APBB2: variants seen among roughly 807,000 people sequenced by gnomAD.
APBB2 encodes the protein Fe65-like 1.
A neutral mutation model predicts 82.5 loss-of-function variants in APBB2; 38 were observed. The observed-to-expected ratio is 0.46, with a 90% confidence interval of 0.36 to 0.60. The LOEUF (loss-of-function observed/expected upper bound fraction) is 0.60. Among genes scored for constraint, APBB2 ranks in the 20% least tolerant of loss-of-function variants. The pLI is 0.00. For missense variants in APBB2, 772 were observed against 972.3 expected (o/e 0.79, Z 2.74); for synonymous variants, 341 against 368.2 (o/e 0.93, Z 0.85).
At chr4:41,092,438 G>A (rs1742051962) in intron 3 of APBB2, among the ~76,000 whole-genome samples, 1 of 152,252 alleles carries the variant, frequency 6.6e-6, no homozygotes, top group Non-Finnish European at 1.5e-5. Context: ...AGTTTAAAGC[G>A]CAGAACTAAG....
chr4:41,074,610 T>TA (rs201203321), intron 3 of APBB2, among the ~76,000 whole-genome samples: 1,568 of 81,492 alleles, frequency 0.019, 10 homozygotes, highest in African/African-American at 0.042. Context: ...TTATTATTAT[T>TA]TTTTTTTTTT....
chr4:41,214,322 G>C (rs954972144), intron 1 of APBB2, 83 bp downstream of exon 1: 4 of 152,346 alleles, frequency 2.6e-5, no homozygotes, highest in African/African-American at 9.6e-5. Flanking sequence ...GCCGCACGCT[G>C]CTGCCGCTAC....
chr4:40,966,185 C>G (rs1412835648), intron 6 of APBB2, among the ~76,000 whole-genome samples: 1 of 152,186 alleles, frequency 6.6e-6, no homozygotes, highest in African/African-American at 2.4e-5. Context: ...ATTATATATT[C>G]AGTAATTCCT....
At chr4:41,192,830 C>T (rs1389154640) in intron 1 of APBB2, among the ~76,000 whole-genome samples, 1 of 152,132 alleles carries the variant, frequency 6.6e-6, no homozygotes, top group African/African-American at 2.4e-5. Context: ...ATTTGGTTCA[C>T]TATAGTAATG....
intron 5 of APBB2, among the ~76,000 whole-genome samples, chr4:41,022,106 C>A (rs978122522): frequency 6.6e-6 from 1 of 152,174 alleles, no homozygotes; most frequent in African/African-American, 2.4e-5. Flanking sequence ...AGACCAAGAA[C>A]CCACCAGAAG....
intron 6 of APBB2, among the ~76,000 whole-genome samples, chr4:41,006,118 C>T (rs2154424619): frequency 6.6e-6 from 1 of 152,350 alleles, no homozygotes; most frequent in South Asian, 2.1e-4. Flanking sequence ...TTCACTGGAA[C>T]ATATATTTTT....
intron 6 of APBB2, among the ~76,000 whole-genome samples, chr4:40,954,465 G>A (rs1791046567): frequency 6.6e-6 from 1 of 152,132 alleles, no homozygotes; most frequent in Admixed American, 6.5e-5. Flanking sequence ...AAAGCTAGGG[G>A]TGCAGAGGTG....
At chr4:41,132,394 G>A (rs1307749985) in intron 2 of APBB2, among the ~76,000 whole-genome samples, 1 of 152,176 alleles carries the variant, frequency 6.6e-6, no homozygotes, top group Non-Finnish European at 1.5e-5. Context: ...GGACACAGAA[G>A]TCAAAAGATA....
rs181058123 is a variant in APBB2 at position 41,038,404 on chromosome 4, T to A, written c.-50-5100A>T. Among the ~76,000 whole-genome samples, 12 of 152,302 alleles carry A rather than the reference T, an allele frequency of 7.9e-5. 1 individual carries two copies. The East Asian group carries it at 2.3e-3, about 29-fold the overall frequency. The stretch of plus-strand genomic sequence containing the variant: ...AACAAGTCTGACCAATTCCTCCTTC[T>A]CAATGTGCCTAGCTCTTTGTCCAAC... On this transcript the variant is annotated intron_variant, in intron 4 of 17. Coordinates refer to ENST00000508593, the MANE Select transcript of APBB2 (RefSeq NM_004307.2).
chr4:40,959,413 A>G (rs182102774), intron 6 of APBB2, among the ~76,000 whole-genome samples: 3 of 152,330 alleles, frequency 2.0e-5, no homozygotes, highest in East Asian at 1.9e-4. Context: ...AGGATCTTCA[A>G]TATGCTTTTC....
At chr4:40,841,171 G>C (rs890291738) in intron 12 of APBB2, among the ~76,000 whole-genome samples, 1 of 152,174 alleles carries the variant, frequency 6.6e-6, no homozygotes, top group Non-Finnish European at 1.5e-5. Flanking sequence ...ACAGCCACCA[G>C]CAGAGGGCAG....
intron 11 of APBB2, among the ~76,000 whole-genome samples, chr4:40,891,322 T>C (rs939263478): frequency 1.3e-5 from 2 of 152,124 alleles, no homozygotes; most frequent in Admixed American, 6.5e-5. Flanking sequence ...ACTATTCAAC[T>C]TGATTCCCCC....
At chr4:41,043,800 A>G (rs1722392068) in intron 4 of APBB2, among the ~76,000 whole-genome samples, 1 of 152,156 alleles carries the variant, frequency 6.6e-6, no homozygotes, top group Non-Finnish European at 1.5e-5. Context: ...CTTTTAAGTT[A>G]TTTAATCTAC....
chr4:41,198,037 C>G, intron 1 of APBB2, among the ~76,000 whole-genome samples: 1 of 152,140 alleles, frequency 6.6e-6, no homozygotes, highest in Non-Finnish European at 1.5e-5. Flanking sequence ...CTGAGAAAGG[C>G]GCTATTATTG....
intron 2 of APBB2, among the ~76,000 whole-genome samples, chr4:41,138,968 C>T (rs1758356818): frequency 6.6e-6 from 1 of 152,004 alleles, no homozygotes. Flanking sequence ...TAATTACTTT[C>T]TTAATTTATA....
chr4:41,211,577 G>C (rs1332225649), intron 1 of APBB2, among the ~76,000 whole-genome samples: 3 of 152,062 alleles, frequency 2.0e-5, no homozygotes, highest in African/African-American at 4.8e-5. Context: ...CCACCTCCCA[G>C]GTTCAAGTGA....
chr4:40,842,177 G>A (rs893420391), intron 12 of APBB2, among the ~76,000 whole-genome samples: 2 of 152,224 alleles, frequency 1.3e-5, no homozygotes, highest in South Asian at 2.1e-4. Flanking sequence ...AATGAGGAAC[G>A]CAGATGCAAT....
chr4:41,012,882 T>C lies in APBB2; in HGVS notation c.835+701A>G, dbSNP rs1171403846. 4.6e-5 allele frequency among the ~76,000 whole-genome samples: 7 copies of C among 152,208 alleles called. No homozygotes were observed. The East Asian group carries it at 1.3e-3, about 29-fold the overall frequency. The stretch of plus-strand genomic sequence containing the variant: ...AATGATATTTAAAGTAGCTGACTTT[T>C]AGGATCCTGTTCATTTCTGTCACCA... On this transcript the variant is annotated intron_variant, in intron 6 of 17. Transcript: ENST00000508593.
intron 6 of APBB2, among the ~76,000 whole-genome samples, chr4:40,994,536 G>A (rs568514823): frequency 6.6e-6 from 1 of 152,090 alleles, no homozygotes; most frequent in African/African-American, 2.4e-5. Context: ...ATCTTGGGCC[G>A]GGTGCAGTGA....
Sources: allele counts gnomAD v4.1 joint callset (sites outside exome capture counted in the v4.1 genomes callset), GRCh38; gene constraint gnomAD v4.1.1; transcripts MANE v1.5; gene names NCBI Gene and HGNC (gene_info 2026-07-23, HGNC 2026-07-21).